The following MDN1 variants were observed in gnomAD, a reference collection of about 807,000 sequenced individuals.
The protein encoded by MDN1 is midasin.
A neutral mutation model predicts 669.2 loss-of-function variants in MDN1; 266 were observed. That is an observed-to-expected ratio of 0.40 (90% CI 0.36 to 0.44). The LOEUF is 0.44. Among genes scored for constraint, MDN1 ranks in the 20% least tolerant of loss-of-function variants. The probability of loss-of-function intolerance (pLI) is 1.00; values close to 1 mark genes in which losing one functional copy is unlikely to be tolerated. For missense variants in MDN1, 5,940 were observed against 6,754.0 expected, an observed-to-expected ratio of 0.88 and a Z score of 4.22; for synonymous variants, 2,385 against 2,457.1, an observed-to-expected ratio of 0.97 and a Z score of 0.87.
intron 76 of MDN1, among the ~76,000 whole-genome samples, chr6:89,676,588 T>C (rs144898811): frequency 7.8e-4 from 119 of 152,278 alleles, no homozygotes; most frequent in African/African-American, 2.7e-3. Flanking sequence ...ACAGGGGTTG[T>C]TGAGGGCTCA....
rs766920500 is a variant in MDN1 at position 89,698,985 on chromosome 6, C to A, written c.9048G>T (p.Met3016Ile). The change falls in exon 59 of 102, where the codon ATG (methionine) becomes ATT (isoleucine). Residue 3016 changes from methionine (M) to isoleucine (I), a missense_variant. Transcript: ENST00000369393. ...CAGTACTGCTCCAGAAAGACATAAACATGGAATTAAATAACTCGGACCACA... is the reference window on the plus strand; with the variant it reads ...CAGTACTGCTCCAGAAAGACATAAAAATGGAATTAAATAACTCGGACCACA... The part of the protein sequence containing the change: ...TSLWSELFNS[M>I]FMSFWSSTVT... 3.7e-6 allele frequency: 6 copies of A among 1,613,888 alleles called. No individual in the cohort carries two copies. The highest frequency in any genetic ancestry group is 4.2e-6 in the Non-Finnish European group (5 of 1,179,960).
chr6:89,655,450 G>A (rs961278781), intron 92 of MDN1, among the ~76,000 whole-genome samples: 1 of 152,200 alleles, frequency 6.6e-6, no homozygotes, highest in East Asian at 1.9e-4. Flanking sequence ...TTATATTTAA[G>A]GATATTTAAA....
chr6:89,807,590 G>A (rs1342260383), intron 1 of MDN1, among the ~76,000 whole-genome samples: 1 of 152,130 alleles, frequency 6.6e-6, no homozygotes, highest in Non-Finnish European at 1.5e-5. Context: ...TTAAGATTAT[G>A]AGTTTTTGGG....
intron 1 of MDN1, among the ~76,000 whole-genome samples, chr6:89,819,202 CA>C (rs1769085353): frequency 6.6e-6 from 1 of 152,216 alleles, no homozygotes; most frequent in Non-Finnish European, 1.5e-5. Context: ...TTCAGAAAAA[CA>C]AACCACATTC....
chr6:89,662,862 T>C lies in MDN1; in HGVS notation c.14342A>G (p.Asp4781Gly), dbSNP rs1809900719. Reference protein sequence around the residue: ...ADKLDERLWGDDDEEEDEEEE... With the variant: ...ADKLDERLWGGDDEEEDEEEE... ...CTCCTCATCTTCCTCCTCATCATCA[T>C]CACCCCAAAGCCTCTCATCTAGTTT... The change falls in exon 86 of 102, where the codon GAT becomes GGT. Residue 4781 changes from aspartate to glycine, a missense_variant. Around this residue, in one of 5 missense-constraint regions of MDN1, gnomAD observed 2,280 missense variants for 2,576.3 expected, o/e 0.88. Transcript: ENST00000369393. 3 of 1,614,078 alleles carry C rather than the reference T, an allele frequency of 1.9e-6. No homozygotes were observed. The highest frequency in any genetic ancestry group is 2.5e-6 in the Non-Finnish European group (3 of 1,180,008).
intron 52 of MDN1, 90 bp downstream of exon 52, chr6:89,707,271 C>T: frequency 2.2e-6 from 2 of 896,376 alleles, no homozygotes; most frequent in East Asian, 5.0e-5. Context: ...AACCAGTAAA[C>T]AACAGCAGCT....
At chr6:89,796,844 G>A (rs1164734589) in intron 2 of MDN1, among the ~76,000 whole-genome samples, 38 of 152,188 alleles carry the variant, frequency 2.5e-4, no homozygotes, top group Admixed American at 2.2e-3. Context: ...TGAGGCGGGT[G>A]GATCACCTGA....
chr6:89,816,673 C>CTTT (rs538796145), intron 1 of MDN1, among the ~76,000 whole-genome samples: 2 of 138,070 alleles, frequency 1.4e-5, no homozygotes, highest in African/African-American at 2.7e-5. Context: ...ACACCCCTAT[C>CTTT]TTTTTTTTTT....
chr6:89,762,700 C>T (rs982279243), intron 15 of MDN1, among the ~76,000 whole-genome samples, 170 bp from the exon 16 acceptor site: 1 of 152,120 alleles, frequency 6.6e-6, no homozygotes, highest in East Asian at 1.9e-4. Context: ...TATTTTCCCC[C>T]ATCGCAAGCA....
Position 89,661,482 on chromosome 6 carries a change from C to CAA in MDN1, c.14661_14662insTT (p.Asp4888LeufsTer25). The CAA allele has an allele frequency of 6.2e-7, 1 of 1,614,158 alleles. No individual in the cohort carries two copies. ...TCACCACCATTCTTGTCTTCACTGT[C>CAA]GAGGTTCAAGTCATCTGGAAGGTCC... On this transcript the variant is annotated frameshift_variant, in exon 88 of 102. Coordinates refer to ENST00000369393, the MANE Select transcript of MDN1 (RefSeq NM_014611.3). LOFTEE classifies it high-confidence loss of function.
intron 40 of MDN1, among the ~76,000 whole-genome samples, chr6:89,721,428 C>G (rs927030623): frequency 6.6e-6 from 1 of 152,140 alleles, no homozygotes; most frequent in Non-Finnish European, 1.5e-5. Flanking sequence ...GGATGGCTTG[C>G]TTGGGTAAGG....
At chr6:89,683,374 T>C (rs1394040031) in intron 72 of MDN1, 44 bp from the exon 73 acceptor site, 8 of 1,545,958 alleles carry the variant, frequency 5.2e-6, no homozygotes, top group Non-Finnish European at 6.2e-6. Context: ...AAAACTGGAT[T>C]AGCAAGTGAA....
At chr6:89,750,283 A>G (rs1816872487) in intron 24 of MDN1, 71 bp downstream of exon 24, 1 of 1,441,182 alleles carries the variant, frequency 6.9e-7, no homozygotes, top group Admixed American at 2.0e-5. Context: ...GAAAGGATGA[A>G]GAATATTACT....
At chr6:89,752,750 T>C (rs1817019401) in intron 22 of MDN1, among the ~76,000 whole-genome samples, 1 of 152,182 alleles carries the variant, frequency 6.6e-6, no homozygotes, top group Non-Finnish European at 1.5e-5. Context: ...ATGTGGCCCT[T>C]AGAAGGCATG....
intron 8 of MDN1, among the ~76,000 whole-genome samples, chr6:89,786,755 G>A (rs1011652925): frequency 9.2e-5 from 14 of 151,622 alleles, no homozygotes; most frequent in African/African-American, 2.7e-4. Context: ...GTGAAACCCC[G>A]TCTCTACTAA....
At chr6:89,646,893 C>T (rs1808523353) in intron 99 of MDN1, among the ~76,000 whole-genome samples, 1 of 152,212 alleles carries the variant, frequency 6.6e-6, no homozygotes, top group Admixed American at 6.5e-5. Context: ...TTCCTGGGCT[C>T]TGCCTCAGCC....
chr6:89,663,094 C>A, intron 85 of MDN1, 127 bp from the exon 86 acceptor site: 1 of 1,017,652 alleles, frequency 9.8e-7, no homozygotes, highest in Non-Finnish European at 1.5e-6. Flanking sequence ...TTCTACAGAA[C>A]ACACCCTACG....
At position 89,692,454 on chromosome 6, in the gene MDN1, G is replaced by A. The variant is rs1309075797; in HGVS notation, c.10576C>T (p.His3526Tyr). Residue 3526 changes from histidine to tyrosine, a missense_variant, in exon 63 of 102, where the codon CAT becomes TAT. Around this residue, in one of 5 missense-constraint regions of MDN1, gnomAD observed 2,280 missense variants for 2,576.3 expected, o/e 0.88. Coordinates refer to ENST00000369393, the MANE Select transcript of MDN1 (RefSeq NM_014611.3). The part of the protein sequence containing the change: ...LDQRALQLFR[H>Y]VCQEIISEWD... ...CAGAGATGGCTCACCTGACACACAT[G>A]TCTGAAGAGCTGCAGGGCCCTCTGG... The A allele has an allele frequency of 7.5e-6, 12 of 1,610,718 alleles. No homozygotes were observed. The highest frequency in any genetic ancestry group is 4.0e-5 in the African/African-American group (3 of 74,916).
chr6:89,729,174 G>T (rs926086960), intron 35 of MDN1, 35 bp from the exon 36 acceptor site: 2 of 1,549,920 alleles, frequency 1.3e-6, no homozygotes, highest in Non-Finnish European at 1.8e-6. Context: ...TGTATAAGCG[G>T]GACATCATCA....
Sources: gnomAD v4.1 joint callset for allele counts (sites outside exome capture counted in the v4.1 genomes callset) on GRCh38, gnomAD v4.1.1 for gene constraint, gnomAD v4.1.1 regional missense constraint, MANE v1.5 for transcripts, NCBI Gene and HGNC (gene_info 2026-07-23, HGNC 2026-07-21) for gene names.